Variants in ACSM6 observed in about 807,000 individuals in gnomAD.
The protein encoded by ACSM6 is acyl-CoA synthetase medium chain family member 6.
In ACSM6, 35 loss-of-function variants were observed where a neutral mutation model predicts 51.1. The ratio of observed to expected loss-of-function variants is 0.69; its 90% CI spans 0.52 to 0.91. The LOEUF (loss-of-function observed/expected upper bound fraction) is 0.91. Ranked by LOEUF, ACSM6 falls within the 40% of genes least tolerant of loss-of-function variation. ACSM6 has a pLI of 0.00. For missense variants in ACSM6, 509 were observed against 584.1 expected (o/e 0.87, Z 1.32); for synonymous variants, 172 against 207.3 (o/e 0.83, Z 1.46).
At chr10:95,197,607 C>T (rs947241062) in intron 2 of ACSM6, among the ~76,000 whole-genome samples, 1 of 152,194 alleles carries the variant, frequency 6.6e-6, no homozygotes, top group Non-Finnish European at 1.5e-5. Flanking sequence ...GTCTCACCTC[C>T]CACCATAGGG....
chr10:95,206,750 G>A (rs950734759), intron 3 of ACSM6, among the ~76,000 whole-genome samples: 5 of 152,174 alleles, frequency 3.3e-5, no homozygotes, highest in Non-Finnish European at 7.3e-5. Context: ...TATGGATGCA[G>A]AAGAATCTAT....
intron 8 of ACSM6, among the ~76,000 whole-genome samples, chr10:95,217,179 T>C (rs1024323596): frequency 2.0e-5 from 3 of 149,078 alleles, no homozygotes; most frequent in Non-Finnish European, 4.4e-5. Context: ...AAACCCTGTA[T>C]TTACTAAAAA....
rs577895986 is a variant in ACSM6, at chr10:95,199,765, C to T, written c.193-2220C>T. On this transcript the variant is annotated intron_variant, in intron 2 of 10. Coordinates refer to ENST00000341686, the Ensembl canonical transcript of ACSM6. The stretch of plus-strand genomic sequence containing the variant: ...CACATGAAAAAATGCTCATCATCAC[C>T]GGCCATCAGAGAAATGCAAATCAAA... Among the ~76,000 whole-genome samples the T allele has an allele frequency of 1.1e-4, 16 of 152,206 alleles. No individual in the cohort carries two copies. The South Asian group carries it at 1.2e-3, about 12-fold the overall frequency.
rs781778256 is a variant in ACSM6, at chr10:95,211,954, G to A, written c.832G>A (p.Ala278Thr). Residue 278 changes from alanine to threonine, a missense_variant, in exon 6 of 11, where the codon GCT (alanine) becomes ACT (threonine). Transcript: ENST00000341686. ...CTTTGGTGGATCTTTATCCCTGAGCGCTGTCTTGGGAACTTGGTTCCAAGG... is the reference window on the plus strand; with the variant it reads ...CTTTGGTGGATCTTTATCCCTGAGCACTGTCTTGGGAACTTGGTTCCAAGG... 26 of 1,613,866 alleles carry A rather than the reference G, an allele frequency of 1.6e-5. No individual in the cohort carries two copies. The highest frequency in any genetic ancestry group is 6.7e-5 in the East Asian group (3 of 44,892).
chr10:95,201,502 G>T (rs1460560693), intron 2 of ACSM6: 2 of 455,792 alleles, frequency 4.4e-6, no homozygotes, highest in South Asian at 3.1e-5. Flanking sequence ...CTTTTCCATG[G>T]CTGAGTAATA....
At chr10:95,205,828 G>A (rs2034834035) in intron 3 of ACSM6, among the ~76,000 whole-genome samples, 1 of 152,058 alleles carries the variant, frequency 6.6e-6, no homozygotes, top group African/African-American at 2.4e-5. Flanking sequence ...CAATTGCACG[G>A]TTTCATATAT....
chr10:95,210,891 A>C (rs1420664483), intron 5 of ACSM6, 98 bp downstream of exon 5: 17 of 1,363,830 alleles, frequency 1.2e-5, no homozygotes, highest in Non-Finnish European at 1.6e-5. Context: ...TTTCTTACTC[A>C]AGACTGCAGA....
exon 8 of ACSM6, chr10:95,214,969 G>A (rs751631417): frequency 1.5e-5 from 23 of 1,551,310 alleles, no homozygotes; most frequent in African/African-American, 2.7e-5. Context: ...ATGGGCAGAC[G>A]GAAACTGTAG....
At chr10:95,208,757 G>A (rs748965138) in intron 4 of ACSM6, among the ~76,000 whole-genome samples, 1 of 151,618 alleles carries the variant, frequency 6.6e-6, no homozygotes, top group Non-Finnish European at 1.5e-5. Context: ...TGCATCATAG[G>A]TATGCATGTA....
At chr10:95,223,837 A>G (rs2035014994) in intron 9 of ACSM6, among the ~76,000 whole-genome samples, 1 of 152,186 alleles carries the variant, frequency 6.6e-6, no homozygotes, top group Non-Finnish European at 1.5e-5. Flanking sequence ...TAGCATCCCA[A>G]TTGGAAAAGA....
chr10:95,194,496 G>T (rs867503196), exon 2 of ACSM6: 5 of 1,551,422 alleles, frequency 3.2e-6, no homozygotes, highest in Non-Finnish European at 4.4e-6. Flanking sequence ...ATGCTAGGCC[G>T]ATTTCAACCC....
At chr10:95,200,337 G>A in intron 2 of ACSM6, among the ~76,000 whole-genome samples, 1 of 127,134 alleles carries the variant, frequency 7.9e-6, no homozygotes. Flanking sequence ...TCACACTCTG[G>A]GGACTGTTGT....
intron 8 of ACSM6, among the ~76,000 whole-genome samples, chr10:95,219,108 G>T (rs927762572): frequency 1.3e-5 from 2 of 152,144 alleles, no homozygotes; most frequent in African/African-American, 4.8e-5. Flanking sequence ...CCAAGATCCA[G>T]TTCTCATGTC....
At chr10:95,221,345 C>T (rs701886) in intron 9 of ACSM6, among the ~76,000 whole-genome samples, 80,066 of 151,944 alleles carry the variant, frequency 0.53, 22,015 homozygotes, top group Middle Eastern at 0.66. Flanking sequence ...CCAGCACTTT[C>T]GGAGGCCGAG....
At chr10:95,220,996 C>T (rs2034990210) in intron 9 of ACSM6, among the ~76,000 whole-genome samples, 6 of 151,388 alleles carry the variant, frequency 4.0e-5, no homozygotes, top group Middle Eastern at 3.4e-3. Context: ...TGGGCCTTTG[C>T]ATTTAGAGAC....
chr10:95,215,931 G>C (rs2034939684), intron 8 of ACSM6, among the ~76,000 whole-genome samples: 1 of 152,016 alleles, frequency 6.6e-6, no homozygotes, highest in Non-Finnish European at 1.5e-5. Flanking sequence ...CAGTTTGTTT[G>C]TTTGTTTTTA....
chr10:95,206,723 G>C (rs950689205), intron 3 of ACSM6, among the ~76,000 whole-genome samples: 6 of 152,146 alleles, frequency 3.9e-5, no homozygotes, highest in African/African-American at 1.4e-4. Flanking sequence ...CTCATAGGAG[G>C]TCCACAATAG....
exon 11 of ACSM6, chr10:95,228,696 G>A (rs2035064927): frequency 6.4e-7 from 1 of 1,551,918 alleles, no homozygotes; most frequent in Non-Finnish European, 8.7e-7. Flanking sequence ...TACCTCACAG[G>A]TGACAGAGGG....
intron 9 of ACSM6, among the ~76,000 whole-genome samples, chr10:95,221,270 C>T (rs770796373): frequency 3.3e-5 from 5 of 152,098 alleles, no homozygotes; most frequent in Non-Finnish European, 7.4e-5. Context: ...TGAAGAATCC[C>T]TATAGAATCC....
Sources: allele counts gnomAD v4.1 joint callset (sites outside exome capture counted in the v4.1 genomes callset), GRCh38; gene constraint gnomAD v4.1.1; transcripts MANE v1.5; gene names NCBI Gene and HGNC (gene_info 2026-07-23, HGNC 2026-07-21).